CNTN1: variants seen among roughly 807,000 people sequenced by gnomAD.
CNTN1 encodes the protein contactin 1.
Under a neutral mutation model 126.4 loss-of-function variants are expected in CNTN1, and 38 were observed. The observed-to-expected ratio is 0.30, with a 90% CI of 0.23 to 0.39. CNTN1 has a LOEUF of 0.39. Ranked by LOEUF, CNTN1 falls within the 10% of genes least tolerant of loss-of-function variation. The probability of loss-of-function intolerance (pLI) is 1.00; values close to 1 mark genes in which losing one functional copy is unlikely to be tolerated. For synonymous variants in CNTN1, 413 were observed against 422.6 expected, an observed-to-expected ratio of 0.98 and a Z score of 0.28; for missense variants, 1,009 against 1,248.4, an observed-to-expected ratio of 0.81 and a Z score of 2.89.
intron 1 of CNTN1, among the ~76,000 whole-genome samples, chr12:40,787,360 A>G (rs369602864): frequency 1.3e-5 from 2 of 152,306 alleles, no homozygotes. Flanking sequence ...TTTTGGGCAC[A>G]CGGGGAAAAG....
At position 41,070,036 on chromosome 12, in the gene CNTN1, AT is replaced by A; in HGVS notation, c.*2del. On this transcript the variant is annotated 3_prime_UTR_variant, in exon 24 of 24. Coordinates refer to ENST00000551295, the MANE Select transcript of CNTN1 (RefSeq NM_001843.4). ...CATCCTTGTCTACTTGGAATTCTGA[AT>A]GTGTTGTGACAGCTGCTGTTCCCAT... 2 of 1,613,614 alleles carry A rather than the reference AT, an allele frequency of 1.2e-6. No homozygotes were observed. Among genetic ancestry groups the A allele is most frequent in the Admixed American group, 3.3e-5 (2 of 60,004 alleles).
chr12:40,966,046 A>G (rs1421688718), intron 15 of CNTN1, among the ~76,000 whole-genome samples: 1 of 150,330 alleles, frequency 6.7e-6, no homozygotes, highest in Non-Finnish European at 1.5e-5. Flanking sequence ...ACACGCACGC[A>G]TTGGAAGAGA....
chr12:40,890,472 G>T (rs1455688457), intron 1 of CNTN1, among the ~76,000 whole-genome samples: 1 of 151,930 alleles, frequency 6.6e-6, no homozygotes, highest in Admixed American at 6.6e-5. Context: ...AATCTTCTGT[G>T]CCACTGCATT....
At chr12:40,833,341 C>G (rs1443531131) in intron 1 of CNTN1, among the ~76,000 whole-genome samples, 2 of 152,100 alleles carry the variant, frequency 1.3e-5, no homozygotes, top group African/African-American at 2.4e-5. Context: ...GATGATCTGC[C>G]CACCCCAGCC....
chr12:40,922,268 T>A lies in CNTN1; in HGVS notation c.240T>A (p.Asn80Lys), dbSNP rs1945469398. The A allele has an allele frequency of 3.7e-6, 6 of 1,613,772 alleles. No individual in the cohort carries two copies. Among genetic ancestry groups the A allele is most frequent in the Non-Finnish European group, 3.4e-6 (4 of 1,179,850 alleles). The change falls in exon 5 of 24, where the codon AAT becomes AAA. Residue 80 changes from asparagine (N) to lysine (K), a missense_variant. Coordinates refer to ENST00000551295, the MANE Select transcript of CNTN1 (RefSeq NM_001843.4). ...SPFPVYKWRM[N>K]NGDVDLTSDR... ...CTTTTTCTCATAGATGGAGAATGAA[T>A]AATGGGGACGTTGATCTCACAAGTG...
intron 11 of CNTN1, 24 bp from the exon 12 acceptor site, chr12:40,939,311 G>T (rs1946185174): frequency 6.2e-7 from 1 of 1,612,560 alleles, no homozygotes; most frequent in Non-Finnish European, 8.5e-7. Flanking sequence ...GAAAGAGAAA[G>T]ATAACAATTT....
intron 17 of CNTN1, among the ~76,000 whole-genome samples, chr12:41,005,856 G>T (rs1948479619): frequency 6.6e-6 from 1 of 152,026 alleles, no homozygotes; most frequent in Non-Finnish European, 1.5e-5. Context: ...CTTACCTTGG[G>T]TTACAGTATA....
In CNTN1 at chr12:40,996,544, A is replaced by C. The variant is rs1948222546; in HGVS notation, c.2113+3275A>C. On this transcript the variant is annotated intron_variant, in intron 17 of 23. Coordinates refer to ENST00000551295, the MANE Select transcript of CNTN1 (RefSeq NM_001843.4). ...GCACTGCACTGCATAGTATTTGCTC[A>C]ATAAAATTTATTTATTATGCTATTA... 2.0e-5 allele frequency among the ~76,000 whole-genome samples: 3 copies of C among 152,340 alleles called. No individual in the cohort carries two copies. In the South Asian group the frequency reaches 6.2e-4, roughly 32 times the overall value.
chr12:40,930,047 C>A, intron 7 of CNTN1, 45 bp downstream of exon 7: 1 of 1,341,488 alleles, frequency 7.5e-7, no homozygotes, highest in Non-Finnish European at 1.1e-6. Context: ...AGGTTATCTA[C>A]ATATGGTATA....
chr12:40,981,696 A>T (rs1947826751), intron 16 of CNTN1, among the ~76,000 whole-genome samples: 1 of 152,118 alleles, frequency 6.6e-6, no homozygotes, highest in Non-Finnish European at 1.5e-5. Flanking sequence ...ATTTGTCATG[A>T]CTAGCCTACA....
At chr12:40,940,063 G>A (rs1434190354) in intron 12 of CNTN1, among the ~76,000 whole-genome samples, 1 of 152,092 alleles carries the variant, frequency 6.6e-6, no homozygotes, top group Non-Finnish European at 1.5e-5. Context: ...TTGTATAAAA[G>A]CCACACTGAA....
At chr12:40,782,950 T>C (rs1321469795) in intron 1 of CNTN1, among the ~76,000 whole-genome samples, 1 of 151,928 alleles carries the variant, frequency 6.6e-6, no homozygotes, top group Non-Finnish European at 1.5e-5. Context: ...AATATGACAG[T>C]ATTTATGATA....
intron 1 of CNTN1, among the ~76,000 whole-genome samples, chr12:40,844,025 G>A (rs1246978006): frequency 1.5e-5 from 2 of 134,996 alleles, no homozygotes; most frequent in Non-Finnish European, 3.2e-5. Context: ...TGTTAATTTT[G>A]TAATAAATGC....
chr12:41,056,957 T>TTTATAAATA (rs1164194033), intron 23 of CNTN1, among the ~76,000 whole-genome samples: 2 of 106,104 alleles, frequency 1.9e-5, no homozygotes, highest in Non-Finnish European at 3.7e-5. Context: ...TATTTAGATA[T>TTTATAAATA]TTATAAATAT....
chr12:40,693,447 T>C (rs1161646726), intron 1 of CNTN1, among the ~76,000 whole-genome samples: 1 of 152,158 alleles, frequency 6.6e-6, no homozygotes, highest in Admixed American at 6.5e-5. Context: ...GTTGGCCCAG[T>C]GCCGGTTCCT....
chr12:40,746,244 A>T (rs140284133), intron 1 of CNTN1, among the ~76,000 whole-genome samples: 447 of 152,264 alleles, frequency 2.9e-3, no homozygotes, highest in African/African-American at 0.01. Flanking sequence ...AAACATTTTA[A>T]GGTATCAAAA....
At chr12:40,748,931 C>A (rs1565681670) in intron 1 of CNTN1, among the ~76,000 whole-genome samples, 1 of 152,006 alleles carries the variant, frequency 6.6e-6, no homozygotes, top group Non-Finnish European at 1.5e-5. Flanking sequence ...TGTTTTCTTG[C>A]TAAGTTAAAA....
At chr12:40,789,362 AAT>A in intron 1 of CNTN1, among the ~76,000 whole-genome samples, 1 of 152,276 alleles carries the variant, frequency 6.6e-6, no homozygotes, top group East Asian at 1.9e-4. Flanking sequence ...GTGAGGCAAG[AAT>A]ACATTTGTAA....
At chr12:40,767,430 TC>T (rs1054695291) in intron 1 of CNTN1, among the ~76,000 whole-genome samples, 2 of 137,430 alleles carry the variant, frequency 1.5e-5, no homozygotes, top group African/African-American at 5.4e-5. Flanking sequence ...TGCCCCAGCC[TC>T]CCGAGTAGCT....
Sources: gnomAD v4.1 joint callset for allele counts (sites outside exome capture counted in the v4.1 genomes callset) on GRCh38, gnomAD v4.1.1 for gene constraint, MANE v1.5 for transcripts, NCBI Gene and HGNC (gene_info 2026-07-23, HGNC 2026-07-21) for gene names.